The following ZDHHC20 variants were observed in gnomAD, a reference collection of about 807,000 sequenced individuals.
The protein encoded by ZDHHC20 is palmitoyltransferase ZDHHC20.
Under a neutral mutation model 57.8 loss-of-function variants are expected in ZDHHC20, and 43 were observed. That is an observed-to-expected ratio of 0.74 (90% CI 0.58 to 0.96). The LOEUF is 0.96. Among genes scored for constraint, ZDHHC20 ranks in the 40% least tolerant of loss-of-function variants. ZDHHC20 has a pLI of 0.00. For missense variants in ZDHHC20, 391 were observed against 441.1 expected (o/e 0.89, Z 1.02); for synonymous variants, 157 against 153.0 (o/e 1.03, Z -0.19).
intron 9 of ZDHHC20, among the ~76,000 whole-genome samples, chr13:21,387,068 A>C (rs1874665451): frequency 6.6e-6 from 1 of 152,204 alleles, no homozygotes; most frequent in Admixed American, 6.5e-5. Context: ...GGAAACTATC[A>C]ATCATCTCAA....
intron 7 of ZDHHC20, among the ~76,000 whole-genome samples, chr13:21,392,225 A>C (rs1262367938): frequency 7.2e-5 from 11 of 151,826 alleles, no homozygotes; most frequent in Non-Finnish European, 1.3e-4. Context: ...AAAAAAAAAA[A>C]AAACAATAGC....
chr13:21,457,427 A>G lies in ZDHHC20; in HGVS notation c.118+1627T>C, dbSNP rs543607148. 1.1e-3 allele frequency among the ~76,000 whole-genome samples: 169 copies of G among 152,380 alleles called. 1 individual carries two copies. The highest frequency in any genetic ancestry group is 3.9e-3 in the African/African-American group (164 of 41,592). The stretch of plus-strand genomic sequence containing the variant: ...ATCATCATAAGTTGATGAGAATCCT[A>G]TGATCACTACCACTTTCTGGAAGTA... On this transcript the variant is annotated intron_variant, in intron 1 of 12. Coordinates refer to ENST00000400590, the MANE Select transcript of ZDHHC20 (RefSeq NM_001330059.2).
intron 4 of ZDHHC20, chr13:21,404,484 C>A: frequency 2.4e-6 from 1 of 411,340 alleles, no homozygotes. Context: ...CACAGTGGCT[C>A]ACACCTGTAA....
chr13:21,417,954 T>C (rs776377892), intron 3 of ZDHHC20, among the ~76,000 whole-genome samples: 1 of 152,354 alleles, frequency 6.6e-6, no homozygotes, highest in East Asian at 1.9e-4. Flanking sequence ...TATACAGGCC[T>C]ACCTCAGTCA....
At chr13:21,438,107 T>G (rs1303092839) in intron 1 of ZDHHC20, among the ~76,000 whole-genome samples, 1 of 152,250 alleles carries the variant, frequency 6.6e-6, no homozygotes, top group East Asian at 1.9e-4. Context: ...CTGATGGAGA[T>G]GTACAAGGAG....
rs112561979 is a variant in ZDHHC20 at position 21,404,717 on chromosome 13, G to C, written c.371-1851C>G. Among the ~76,000 whole-genome samples, 175 of 148,940 alleles carry C rather than the reference G, an allele frequency of 1.2e-3. 1 individual carries two copies. Among genetic ancestry groups the C allele is most frequent in the Middle Eastern group, 7.1e-3 (2 of 280 alleles). On this transcript the variant is annotated intron_variant, in intron 4 of 12. Transcript: ENST00000400590. ...TGCAGTGAGCTGAGATCGCGCCACT[G>C]CACTCCAACCTGGGTGACAGAGCGA... is the stretch of plus-strand genomic sequence containing the variant.
chr13:21,408,151 G>C (rs1878714414), intron 4 of ZDHHC20, among the ~76,000 whole-genome samples: 1 of 152,102 alleles, frequency 6.6e-6, no homozygotes, highest in African/African-American at 2.4e-5. Flanking sequence ...TTCTAATTCT[G>C]TGAAGAAAGT....
chr13:21,450,281 C>T (rs9509727), intron 1 of ZDHHC20, among the ~76,000 whole-genome samples: 27,551 of 151,934 alleles, frequency 0.18, 2,733 homozygotes, highest in Non-Finnish European at 0.23. Flanking sequence ...GGAAAGGGAG[C>T]GGGCAGAGAA....
At chr13:21,455,763 G>C (rs942198809) in intron 1 of ZDHHC20, among the ~76,000 whole-genome samples, 1 of 151,958 alleles carries the variant, frequency 6.6e-6, no homozygotes, top group Non-Finnish European at 1.5e-5. Flanking sequence ...GCCAACTGTG[G>C]GCCAGGTATT....
At chr13:21,393,706 A>AG (rs1468506536) in intron 7 of ZDHHC20, among the ~76,000 whole-genome samples, 5 of 143,584 alleles carry the variant, frequency 3.5e-5, no homozygotes. Context: ...TCACAAAAAA[A>AG]AAAAAAAAAA....
intron 1 of ZDHHC20, among the ~76,000 whole-genome samples, chr13:21,456,178 G>T (rs1884908983): frequency 2.6e-5 from 4 of 152,134 alleles, no homozygotes; most frequent in Admixed American, 2.6e-4. Context: ...GGCCAAGGTG[G>T]GTGGATTGCC....
In ZDHHC20 at chr13:21,375,513, AG is replaced by A. The variant is rs1871941768; in HGVS notation, c.*1182del. 1 of 180,422 alleles carries A rather than the reference AG, an allele frequency of 5.5e-6. No individual in the cohort carries two copies. Among genetic ancestry groups the A allele is most frequent in the East Asian group, 1.8e-4 (1 of 5,548 alleles). 11.2% of individuals were successfully genotyped at this position (180,422 alleles called of 1,614,324 possible). A position where few individuals can be genotyped will look rare whatever the true frequency, so the allele number is the denominator to read the frequency against. On this transcript the variant is annotated 3_prime_UTR_variant, in exon 13 of 13. Coordinates refer to ENST00000400590, the MANE Select transcript of ZDHHC20 (RefSeq NM_001330059.2). ...GTCTAGTCATAAAGGGGTTGCCGTT[AG>A]GAAGTCAGACTTCAGACTGTGCGTC...
At chr13:21,437,157 G>A (rs1882638417) in intron 1 of ZDHHC20, among the ~76,000 whole-genome samples, 1 of 152,146 alleles carries the variant, frequency 6.6e-6, no homozygotes, top group Non-Finnish European at 1.5e-5. Context: ...ATTTTGTGAA[G>A]GCTGAGAGAG....
At chr13:21,417,304 T>G (rs1350997188) in intron 3 of ZDHHC20, among the ~76,000 whole-genome samples, 1 of 152,180 alleles carries the variant, frequency 6.6e-6, no homozygotes, top group Admixed American at 6.6e-5. Flanking sequence ...TGTCTGTCTC[T>G]ACCTTTAAGC....
chr13:21,383,140 T>C (rs1873734726), intron 9 of ZDHHC20, 131 bp from the exon 10 acceptor site: 2 of 831,700 alleles, frequency 2.4e-6, no homozygotes, highest in Non-Finnish European at 1.9e-6. Context: ...ACTCCTAAAA[T>C]TTCTAATTTA....
intron 7 of ZDHHC20, among the ~76,000 whole-genome samples, 175 bp downstream of exon 7, chr13:21,400,198 T>C (rs1340771087): frequency 1.4e-5 from 2 of 145,646 alleles, no homozygotes; most frequent in Non-Finnish European, 3.2e-5. Context: ...TATTTACAAA[T>C]AAACATGTGT....
rs554702757 is a variant in ZDHHC20 at position 21,420,040 on chromosome 13, A to G, written c.249+1021T>C. Among the ~76,000 whole-genome samples the G allele has an allele frequency of 1.1e-4, 17 of 152,298 alleles. No homozygotes were observed. The South Asian group carries it at 3.3e-3, about 30-fold the overall frequency. ...AATGGCTCACGCCTGTAATCCCAGC[A>G]CTTTGGGAGGCTGAGGCGGGTGGAT... On this transcript the variant is annotated intron_variant, in intron 3 of 12. Coordinates refer to ENST00000400590, the MANE Select transcript of ZDHHC20 (RefSeq NM_001330059.2).
At chr13:21,438,263 G>C (rs1042886543) in intron 1 of ZDHHC20, among the ~76,000 whole-genome samples, 2 of 152,160 alleles carry the variant, frequency 1.3e-5, no homozygotes, top group Non-Finnish European at 2.9e-5. Context: ...GATGGATCTA[G>C]GCAAACTACA....
Position 21,374,585 on chromosome 13 carries a change from T to G in ZDHHC20, c.*2111A>C, listed in dbSNP as rs1871748726. The G allele has an allele frequency of 3.4e-6, 1 of 296,896 alleles. No homozygotes were observed. Among genetic ancestry groups the G allele is most frequent in the Non-Finnish European group, 7.0e-6 (1 of 142,996 alleles). 18.4% of individuals were successfully genotyped at this position (296,896 alleles called of 1,614,324 possible). On this transcript the variant is annotated 3_prime_UTR_variant, in exon 13 of 13. Coordinates refer to ENST00000400590, the MANE Select transcript of ZDHHC20 (RefSeq NM_001330059.2). The stretch of plus-strand genomic sequence containing the variant: ...TCTAGTTTGCTAGAATCAAGATTAC[T>G]AAGGAGTTGAAACAAAGGTAGAAGA...
Sources: gnomAD v4.1 joint callset for allele counts (sites outside exome capture counted in the v4.1 genomes callset) on GRCh38, gnomAD v4.1.1 for gene constraint, MANE v1.5 for transcripts, NCBI Gene and HGNC (gene_info 2026-07-23, HGNC 2026-07-21) for gene names.